TGFBR3: variants seen among roughly 807,000 people sequenced by gnomAD.
TGFBR3 encodes the protein transforming growth factor beta receptor 3, also known as transforming growth factor beta receptor type 3.
TGFBR3 carries 46 observed loss-of-function variants against 87.9 expected under a neutral mutation model. That is an observed-to-expected ratio of 0.52 (90% CI 0.41 to 0.67). The LOEUF (loss-of-function observed/expected upper bound fraction) is 0.67. Among genes scored for constraint, TGFBR3 ranks in the 30% least tolerant of loss-of-function variants. TGFBR3 has a pLI of 0.00. For synonymous variants in TGFBR3, 381 were observed against 391.6 expected (o/e 0.97, Z 0.32); for missense variants, 866 against 1,041.9 (o/e 0.83, Z 2.32).
At chr1:91,781,363 T>C (rs1350223912) in intron 3 of TGFBR3, among the ~76,000 whole-genome samples, 4 of 152,116 alleles carry the variant, frequency 2.6e-5, no homozygotes, top group Admixed American at 2.6e-4. Context: ...AATTAGTAAA[T>C]TCACAAAAAC....
chr1:91,781,683 A>T (rs1353313679), intron 3 of TGFBR3, among the ~76,000 whole-genome samples: 1 of 152,176 alleles, frequency 6.6e-6, no homozygotes, highest in Non-Finnish European at 1.5e-5. Context: ...AGGACGAAAA[A>T]TTGCCCTTGT....
chr1:91,762,651 A>G (rs17131554), intron 3 of TGFBR3, among the ~76,000 whole-genome samples: 27,657 of 152,150 alleles, frequency 0.18, 2,815 homozygotes, highest in East Asian at 0.45. Flanking sequence ...GTGTGAGAAA[A>G]TGCAAGCAAA....
At chr1:91,753,667 C>G (rs1436739283) in intron 4 of TGFBR3, among the ~76,000 whole-genome samples, 1 of 152,082 alleles carries the variant, frequency 6.6e-6, no homozygotes, top group Non-Finnish European at 1.5e-5. Context: ...ATAGATTTGC[C>G]CATTCTGGAC....
chr1:91,688,237 G>A (rs926661081), intron 16 of TGFBR3, among the ~76,000 whole-genome samples: 3 of 152,168 alleles, frequency 2.0e-5, no homozygotes, highest in Non-Finnish European at 4.4e-5. Flanking sequence ...TGGCCAACCT[G>A]TTTGTATATG....
chr1:91,720,789 A>G (rs1672343442), intron 8 of TGFBR3, among the ~76,000 whole-genome samples: 1 of 152,252 alleles, frequency 6.6e-6, no homozygotes, highest in Admixed American at 6.5e-5. Context: ...TTGAATCAAG[A>G]GAGTCTTTTG....
At chr1:91,703,752 G>A (rs1375607951) in intron 14 of TGFBR3, among the ~76,000 whole-genome samples, 3 of 152,162 alleles carry the variant, frequency 2.0e-5, no homozygotes, top group Non-Finnish European at 4.4e-5. Context: ...CAAAATTTCA[G>A]AAAATAGGGT....
chr1:91,723,480 T>TAAAAA lies in TGFBR3; in HGVS notation c.886-1341_886-1337dup, dbSNP rs58578681. The stretch of plus-strand genomic sequence containing the variant: ...TGGGTGACAGAGGGAGACCCTGCCT[T>TAAAAA]AAAAAAAAAAAAAAAAAAAAAAAAA... On this transcript the variant is annotated intron_variant, in intron 7 of 16. Transcript: ENST00000212355. Among the ~76,000 whole-genome samples the TAAAAA allele has an allele frequency of 2.6e-3, 284 of 109,066 alleles. 5 individuals are homozygous for TAAAAA. The highest frequency in any genetic ancestry group is 5.1e-3 in the African/African-American group (135 of 26,532). 71.6% of individuals were successfully genotyped at this position (109,066 alleles called of 152,430 possible).
chr1:91,721,876 A>T, intron 8 of TGFBR3, 79 bp downstream of exon 8: 1 of 1,340,554 alleles, frequency 7.5e-7, no homozygotes, highest in Non-Finnish European at 1.0e-6. Flanking sequence ...GCAACATATA[A>T]GCTGAAATGA....
rs111954914 is a variant in TGFBR3, at chr1:91,774,685, C to T, written c.247-15935G>A. Reference sequence around the variant, plus strand: ...GAGAACAAGTCTCGGTCATCACAATCGACTCATGCGGTGATTGGGAATTCT... The same window carrying T: ...GAGAACAAGTCTCGGTCATCACAATTGACTCATGCGGTGATTGGGAATTCT... On this transcript the variant is annotated intron_variant, in intron 3 of 16. Transcript: ENST00000212355. Among the ~76,000 whole-genome samples the T allele has an allele frequency of 9.7e-4, 148 of 152,288 alleles. 1 individual carries two copies. Among genetic ancestry groups the T allele is most frequent in the African/African-American group, 3.3e-3 (137 of 41,554 alleles).
At chr1:91,841,684 C>T (rs1363935060) in intron 2 of TGFBR3, among the ~76,000 whole-genome samples, 1 of 151,114 alleles carries the variant, frequency 6.6e-6, no homozygotes, top group Non-Finnish European at 1.5e-5. Flanking sequence ...ATCCCAGCTA[C>T]TCAGGAGGTT....
chr1:91,880,367 A>G (rs1014670524), intron 1 of TGFBR3, among the ~76,000 whole-genome samples: 2 of 152,160 alleles, frequency 1.3e-5, no homozygotes, highest in African/African-American at 4.8e-5. Context: ...TTGGGAGGCC[A>G]AGACGGCGGA....
chr1:91,847,048 C>T (rs907907062), intron 2 of TGFBR3, among the ~76,000 whole-genome samples: 21 of 152,170 alleles, frequency 1.4e-4, no homozygotes, highest in East Asian at 5.8e-4. Context: ...ATAGGTTGTA[C>T]GCTGCCTCTC....
chr1:91,788,718 A>G (rs1288983974), intron 3 of TGFBR3, among the ~76,000 whole-genome samples: 1 of 152,232 alleles, frequency 6.6e-6, no homozygotes, highest in Non-Finnish European at 1.5e-5. Flanking sequence ...CCTTTGCCCA[A>G]TCAGCACATC....
At chr1:91,822,665 G>A (rs1323855398) in intron 2 of TGFBR3, among the ~76,000 whole-genome samples, 2 of 152,088 alleles carry the variant, frequency 1.3e-5, no homozygotes, top group Non-Finnish European at 2.9e-5. Context: ...GGTGGTACAC[G>A]CCTGTAATCC....
chr1:91,681,409 T>C lies in TGFBR3; in HGVS notation c.*2330A>G, dbSNP rs987777752. 7.8e-6 allele frequency: 3 copies of C among 385,954 alleles called. No individual in the cohort carries two copies. Among genetic ancestry groups the C allele is most frequent in the Non-Finnish European group, 1.5e-5 (3 of 201,314 alleles). 23.9% of individuals were successfully genotyped at this position (385,954 alleles called of 1,614,324 possible). Reference sequence around the variant, plus strand: ...GTGATTTTTTTCCTCTCTCTCTCTTTTAAAAAGATCTTTTGGTTTGCATCT... The same window carrying C: ...GTGATTTTTTTCCTCTCTCTCTCTTCTAAAAAGATCTTTTGGTTTGCATCT... On this transcript the variant is annotated 3_prime_UTR_variant, in exon 17 of 17. Transcript: ENST00000212355.
intron 2 of TGFBR3, among the ~76,000 whole-genome samples, chr1:91,849,333 C>T (rs1162910133): frequency 6.6e-6 from 1 of 152,150 alleles, no homozygotes; most frequent in East Asian, 1.9e-4. Flanking sequence ...CGTCTCCCAC[C>T]CCTCAGTTAA....
chr1:91,820,450 G>A (rs952525547), intron 2 of TGFBR3, among the ~76,000 whole-genome samples: 4 of 152,108 alleles, frequency 2.6e-5, no homozygotes, highest in Admixed American at 6.6e-5. Flanking sequence ...TTGGGAGGCC[G>A]AGGCGGGCGG....
intron 2 of TGFBR3, among the ~76,000 whole-genome samples, chr1:91,853,735 C>T (rs1253125257): frequency 5.3e-5 from 8 of 152,214 alleles, no homozygotes; most frequent in Non-Finnish European, 7.4e-5. Context: ...AACTCATGGC[C>T]GGGAGCGGTG....
intron 6 of TGFBR3, among the ~76,000 whole-genome samples, chr1:91,729,285 TACACACAC>T (rs72204982): frequency 0.21 from 29,474 of 143,180 alleles, 3,247 homozygotes; most frequent in South Asian, 0.33. Flanking sequence ...TGCATGCGCA[TACACACAC>T]ACACACACAC....
Sources: gnomAD v4.1 joint callset for allele counts (sites outside exome capture counted in the v4.1 genomes callset) on GRCh38, gnomAD v4.1.1 for gene constraint, MANE v1.5 for transcripts, NCBI Gene and HGNC (gene_info 2026-07-23, HGNC 2026-07-21) for gene names.